Variants in OPA3 observed in about 807,000 individuals in gnomAD.
OPA3 encodes outer mitochondrial membrane lipid metabolism regulator OPA3.
In OPA3, 6 loss-of-function variants were observed where a neutral mutation model predicts 4.0. That is an observed-to-expected ratio of 1.51 (90% CI 0.83 to 2.99). The LOEUF is 2.99. OPA3 is among the 30% of genes most tolerant of loss of function. The pLI, the probability that OPA3 is intolerant of heterozygous loss-of-function variation, is 0.00. For missense variants in OPA3, 235 were observed against 256.2 expected (o/e 0.92, Z 0.56); for synonymous variants, 105 against 117.1 (o/e 0.90, Z 0.67).
At chr19:45,563,078 G>A (rs1285514919) in intron 1 of OPA3, among the ~76,000 whole-genome samples, 1 of 152,186 alleles carries the variant, frequency 6.6e-6, no homozygotes, top group Non-Finnish European at 1.5e-5. Context: ...TTCTGCTTCT[G>A]GGCATTTATG....
Position 45,550,838 on chromosome 19 carries a change from G to T in OPA3, c.*2676C>A. The T allele has an allele frequency of 1.0e-6, 1 of 986,136 alleles. No individual in the cohort carries two copies. Among genetic ancestry groups the T allele is most frequent in the Non-Finnish European group, 1.2e-6 (1 of 830,172 alleles). The allele number at this position is 986,136 out of a possible 1,614,324, so 61.1% of individuals were successfully genotyped here. A position where few individuals can be genotyped will look rare whatever the true frequency, so the allele number is the denominator to read the frequency against. Reference sequence around the variant, plus strand: ...GGAAGGACAGACTGCAGGCTACTGGGACCCACCCCCTCCCGCTTCAGTGGC... The same window carrying T: ...GGAAGGACAGACTGCAGGCTACTGGTACCCACCCCCTCCCGCTTCAGTGGC... On this transcript the variant is annotated 3_prime_UTR_variant, in exon 2 of 2. Coordinates refer to ENST00000263275, the MANE Select transcript of OPA3 (RefSeq NM_025136.4).
intron 1 of OPA3, among the ~76,000 whole-genome samples, chr19:45,561,890 G>A (rs1346664503): frequency 1.3e-5 from 2 of 151,638 alleles, no homozygotes; most frequent in Admixed American, 6.6e-5. Context: ...GCAGTGAGCC[G>A]AGACCATGCC....
chr19:45,529,533 C>T, intron 1 of OPA3: 1 of 1,558,758 alleles, frequency 6.4e-7, no homozygotes, highest in Non-Finnish European at 8.8e-7. Context: ...GCTTCGATGT[C>T]CCCGTTGTAG....
At chr19:45,565,923 C>T (rs770271642) in intron 1 of OPA3, among the ~76,000 whole-genome samples, 1 of 152,114 alleles carries the variant, frequency 6.6e-6, no homozygotes, top group Non-Finnish European at 1.5e-5. Context: ...TGTACTGCAG[C>T]CTGGGTGACA....
chr19:45,578,720 G>A (rs1017262431), intron 1 of OPA3, among the ~76,000 whole-genome samples: 14 of 152,118 alleles, frequency 9.2e-5, no homozygotes, highest in Admixed American at 3.9e-4. Context: ...CCAGCTACTC[G>A]GGAGGCTGAG....
intron 1 of OPA3, among the ~76,000 whole-genome samples, chr19:45,572,694 CTATA>C (rs1023687066): frequency 7.6e-6 from 1 of 131,554 alleles, no homozygotes; most frequent in Non-Finnish European, 1.6e-5. Flanking sequence ...ATATATCATA[CTATA>C]TATATGATAT....
chr19:45,557,758 G>C (rs1969442672), intron 1 of OPA3, among the ~76,000 whole-genome samples: 1 of 152,144 alleles, frequency 6.6e-6, no homozygotes, highest in African/African-American at 2.4e-5. Context: ...CCCCTTCTGA[G>C]TGCCTATCAC....
chr19:45,528,908 C>A, exon 2 of OPA3: 1 of 948,876 alleles, frequency 1.1e-6, no homozygotes, highest in East Asian at 2.4e-5. Context: ...GTTCGATCAG[C>A]TCCAGCCCAG....
chr19:45,531,492 G>T lies in OPA3; in HGVS notation c.143-2036C>A, dbSNP rs1969061138. On this transcript the variant is annotated intron_variant, in intron 1 of 1. Coordinates refer to the OPA3 transcript ENST00000323060. ...TTGTGGACACACTAGCTGTTCTCTGGGCTGCTGCAGGACTGTCCTCCTTCA... is the reference window on the plus strand; with the variant it reads ...TTGTGGACACACTAGCTGTTCTCTGTGCTGCTGCAGGACTGTCCTCCTTCA... Among the ~76,000 whole-genome samples the T allele has an allele frequency of 2.0e-5, 3 of 152,022 alleles. No homozygotes were observed. The South Asian group carries it at 6.2e-4, about 32-fold the overall frequency.
At chr19:45,528,791 C>T (rs905662237) in exon 2 of OPA3, 4 of 428,722 alleles carry the variant, frequency 9.3e-6, no homozygotes, top group Non-Finnish European at 1.6e-5. Context: ...TCAACAAATG[C>T]GCTGGCAGGG....
chr19:45,553,573 C>T lies in OPA3; in HGVS notation c.481G>A (p.Ala161Thr). Residue 161 changes from alanine to threonine, a missense_variant, in exon 2 of 2, where the codon GCC (alanine) becomes ACC (threonine). Ala to Thr is a moderately conservative substitution (Grantham distance 58). Coordinates refer to ENST00000263275, the MANE Select transcript of OPA3 (RefSeq NM_025136.4). ...GACCGGCCGGGATTGCAGAGCTGGG[C>T]GCGCACCTCTTGCAGCTCTGTGCGC... ...ELRTELQEVR[A>T]QLCNPGRSAS... 2 of 1,612,994 alleles carry T rather than the reference C, an allele frequency of 1.2e-6. No homozygotes were observed. The highest frequency in any genetic ancestry group is 1.7e-6 in the Non-Finnish European group (2 of 1,179,974).
At chr19:45,541,261 G>A (rs1461688521) in intron 1 of OPA3, among the ~76,000 whole-genome samples, 1 of 152,168 alleles carries the variant, frequency 6.6e-6, no homozygotes, top group Non-Finnish European at 1.5e-5. Flanking sequence ...AGGAGGTGAG[G>A]GCAGGGGGTG....
chr19:45,542,677 T>G (rs1489269091), downstream of OPA3, among the ~76,000 whole-genome samples: 53 of 146,928 alleles, frequency 3.6e-4, no homozygotes, highest in Middle Eastern at 3.4e-3. Flanking sequence ...TTTTTTTTTT[T>G]TTTTTTTTTT....
Position 45,552,024 on chromosome 19 carries a change from C to T in OPA3, c.*1490G>A, listed in dbSNP as rs1056222491. On this transcript the variant is annotated 3_prime_UTR_variant, in exon 2 of 2. Transcript: ENST00000263275. ...GAGGCTGAAGGACAGGCTGGATTAGCCCTAGTTAGGATCAAATTTCCCACC... is the reference window on the plus strand; with the variant it reads ...GAGGCTGAAGGACAGGCTGGATTAGTCCTAGTTAGGATCAAATTTCCCACC... The T allele has an allele frequency of 2.0e-6, 2 of 985,402 alleles. No individual in the cohort carries two copies. The highest frequency in any genetic ancestry group is 2.3e-4 in the East Asian group (2 of 8,818). 61.0% of individuals were successfully genotyped at this position (985,402 alleles called of 1,614,324 possible).
chr19:45,546,371 G>T lies in OPA3; in HGVS notation c.*7143C>A. On this transcript the variant is annotated 3_prime_UTR_variant, in exon 2 of 2. Transcript: ENST00000263275. ...TAATAGATGATGTTATGTTACACAT[G>T]ACATAAAATATATATTTTATATTCC... 1.6e-6 allele frequency: 1 copy of T among 628,672 alleles called. No homozygotes were observed. Among genetic ancestry groups the T allele is most frequent in the Non-Finnish European group, 2.0e-6 (1 of 505,168 alleles). The allele number at this position is 628,672 out of a possible 1,614,324, so 38.9% of individuals were successfully genotyped here.
chr19:45,583,884 T>A (rs1245921293), intron 1 of OPA3, among the ~76,000 whole-genome samples: 1 of 152,190 alleles, frequency 6.6e-6, no homozygotes, highest in Non-Finnish European at 1.5e-5. Flanking sequence ...AGCCAGTTCC[T>A]CTGAGCTCCG....
intron 1 of OPA3, chr19:45,529,537 G>T: frequency 6.5e-7 from 1 of 1,528,312 alleles, no homozygotes. Context: ...CGATGTCCCC[G>T]TTGTAGCAAT....
chr19:45,574,903 C>T (rs1254033310), intron 1 of OPA3, among the ~76,000 whole-genome samples: 6 of 152,104 alleles, frequency 3.9e-5, no homozygotes, highest in African/African-American at 7.2e-5. Flanking sequence ...GGAAAGACCA[C>T]GTGGAGAAGA....
intron 1 of OPA3, among the ~76,000 whole-genome samples, chr19:45,563,245 C>A (rs1182714197): frequency 1.3e-5 from 2 of 151,976 alleles, no homozygotes; most frequent in African/African-American, 4.8e-5. Flanking sequence ...CTGCAAGCTC[C>A]GCCTCCCAGG....
Sources: allele counts gnomAD v4.1 joint callset (sites outside exome capture counted in the v4.1 genomes callset), GRCh38; gene constraint gnomAD v4.1.1; transcripts MANE v1.5; gene names NCBI Gene and HGNC (gene_info 2026-07-23, HGNC 2026-07-21).